Variants in NAA16 observed in about 807,000 individuals in gnomAD.
The protein encoded by NAA16 is NARG1-like protein.
A neutral mutation model predicts 110.3 loss-of-function variants in NAA16; 97 were observed. The observed-to-expected ratio is 0.88, with a 90% CI of 0.75 to 1.04. NAA16 has a LOEUF of 1.04. Ranked by LOEUF, NAA16 falls within the 50% of genes least tolerant of loss-of-function variation. The pLI, the probability that NAA16 is intolerant of heterozygous loss-of-function variation, is 0.00. For missense variants in NAA16, 1,017 were observed against 1,005.1 expected, an observed-to-expected ratio of 1.01 and a Z score of -0.16; for synonymous variants, 372 against 330.6, an observed-to-expected ratio of 1.13 and a Z score of -1.36.
rs150837569 is a variant in NAA16 at position 41,343,169 on chromosome 13, A to G, written c.1014+6413A>G. On this transcript the variant is annotated intron_variant, in intron 9 of 19. Transcript: ENST00000379406. ...AGGCTGGAGAGCAATGAATGGCCCAATCGTAGCTCACTGTAGCCTTGACTT... is the reference window on the plus strand; with the variant it reads ...AGGCTGGAGAGCAATGAATGGCCCAGTCGTAGCTCACTGTAGCCTTGACTT... Among the ~76,000 whole-genome samples, 96 of 152,278 alleles carry G rather than the reference A, an allele frequency of 6.3e-4. 2 individuals are homozygous for G. The East Asian group carries it at 0.017, about 26-fold the overall frequency.
In NAA16 at chr13:41,376,342, C is replaced by T. The variant is rs372114376; in HGVS notation, c.*740C>T. 3.9e-5 allele frequency: 6 copies of T among 152,246 alleles called. No individual in the cohort carries two copies. Among genetic ancestry groups the T allele is most frequent in the Admixed American group, 2.0e-4 (3 of 15,286 alleles). The allele number at this position is 152,246 out of a possible 1,614,324, so 9.4% of individuals were successfully genotyped here. ...TTGAAGTTTATTTGAAAATTTAATT[C>T]GTCCTTTTTTCATTGTAATATTTCA... On this transcript the variant is annotated 3_prime_UTR_variant, in exon 20 of 20. Coordinates refer to ENST00000379406, the MANE Select transcript of NAA16 (RefSeq NM_024561.5).
intron 2 of NAA16, 56 bp downstream of exon 2, chr13:41,316,986 T>A: frequency 8.3e-7 from 1 of 1,199,750 alleles, no homozygotes; most frequent in Non-Finnish European, 1.2e-6. Context: ...AACCAGGCAT[T>A]AACAGTGAAA....
chr13:41,359,916 G>C (rs1423544933), intron 12 of NAA16, among the ~76,000 whole-genome samples: 1 of 152,156 alleles, frequency 6.6e-6, no homozygotes, highest in African/African-American at 2.4e-5. Flanking sequence ...CTTTATGCTT[G>C]AGGTAGGAAG....
At chr13:41,371,420 G>A (rs2043314478) in intron 15 of NAA16, among the ~76,000 whole-genome samples, 1 of 152,094 alleles carries the variant, frequency 6.6e-6, no homozygotes, top group Non-Finnish European at 1.5e-5. Context: ...AAAGTTAGAT[G>A]GAATGTGCCT....
intron 9 of NAA16, among the ~76,000 whole-genome samples, chr13:41,350,778 A>G (rs1413600161): frequency 6.6e-6 from 1 of 151,098 alleles, no homozygotes; most frequent in Non-Finnish European, 1.5e-5. Context: ...GGGCCACTAC[A>G]CCCAGCTAAC....
intron 12 of NAA16, among the ~76,000 whole-genome samples, chr13:41,360,570 A>G (rs1210732628): frequency 6.6e-6 from 1 of 152,208 alleles, no homozygotes; most frequent in Non-Finnish European, 1.5e-5. Flanking sequence ...CTTGCTCATC[A>G]TAACTGCCTC....
intron 5 of NAA16, among the ~76,000 whole-genome samples, chr13:41,323,969 T>G (rs1197886262): frequency 6.6e-6 from 1 of 152,234 alleles, no homozygotes; most frequent in Non-Finnish European, 1.5e-5. Flanking sequence ...AGGCATTCTC[T>G]GTAGTAATTT....
intron 12 of NAA16, among the ~76,000 whole-genome samples, chr13:41,360,348 T>G (rs967877202): frequency 2.6e-5 from 4 of 152,170 alleles, no homozygotes; most frequent in Non-Finnish European, 4.4e-5. Flanking sequence ...ATGCAAATAT[T>G]CCAAAATTGA....
Position 41,312,369 on chromosome 13 carries a change from C to T in NAA16, c.54+787C>T, listed in dbSNP as rs1387959154. ...CTGAATAATGGCCCCGTAGTGATGA[C>T]CGCTGCGGAGCCGGGTGGGCAGTTT... On this transcript the variant is annotated intron_variant, in intron 1 of 19. Transcript: ENST00000379406. Among the ~76,000 whole-genome samples the T allele has an allele frequency of 2.6e-5, 4 of 152,138 alleles. No individual in the cohort carries two copies. In the East Asian group the frequency reaches 7.7e-4, roughly 29 times the overall value.
At chr13:41,369,654 A>G (rs1401412252) in intron 15 of NAA16, among the ~76,000 whole-genome samples, 1 of 152,184 alleles carries the variant, frequency 6.6e-6, no homozygotes, top group Non-Finnish European at 1.5e-5. Flanking sequence ...AATATCGTCA[A>G]AAGGGGCCTT....
At chr13:41,333,354 C>G (rs528997852) in intron 8 of NAA16, among the ~76,000 whole-genome samples, 3 of 152,036 alleles carry the variant, frequency 2.0e-5, no homozygotes, top group African/African-American at 7.2e-5. Flanking sequence ...TGTTGTGCAA[C>G]CATCATCTCT....
intron 5 of NAA16, 96 bp from the exon 6 acceptor site, chr13:41,325,602 T>G (rs2042071908): frequency 1.4e-6 from 1 of 692,698 alleles, no homozygotes; most frequent in Non-Finnish European, 2.2e-6. Flanking sequence ...CTTTCTTGTT[T>G]ATGTGAATGA....
At chr13:41,363,859 C>T (rs1053395214) in intron 13 of NAA16, among the ~76,000 whole-genome samples, 5 of 151,986 alleles carry the variant, frequency 3.3e-5, no homozygotes, top group African/African-American at 1.2e-4. Flanking sequence ...TACTCTTATA[C>T]CAGTTGTAAG....
intron 9 of NAA16, among the ~76,000 whole-genome samples, chr13:41,341,139 T>G (rs1345096729): frequency 6.6e-6 from 1 of 152,110 alleles, no homozygotes; most frequent in East Asian, 1.9e-4. Flanking sequence ...TTCTGTTGAT[T>G]TGGGGTGGGG....
In NAA16 at chr13:41,325,861, C is replaced by T. The variant is rs756404807; in HGVS notation, c.691+10C>T. ...GTGGAAGAAATTAAAGGTAAGTTGG[C>T]TTGCCTTTTTTTAATAGCCTCAAAC... On this transcript the variant is annotated intron_variant, in intron 6 of 19. Transcript: ENST00000379406. 2 of 1,586,256 alleles carry T rather than the reference C, an allele frequency of 1.3e-6. No homozygotes were observed. The highest frequency in any genetic ancestry group is 4.5e-5 in the East Asian group (2 of 44,198).
intron 8 of NAA16, 145 bp downstream of exon 8, chr13:41,331,514 AAG>A (rs1326654537): frequency 2.0e-6 from 1 of 505,948 alleles, no homozygotes. Context: ...TTTATATGTT[AAG>A]AGTGTGATAC....
Position 41,374,734 on chromosome 13 carries a change from T to C in NAA16, c.2300-8T>C. On this transcript the variant is annotated splice_region_variant and splice_polypyrimidine_tract_variant and intron_variant, in intron 18 of 19. Transcript: ENST00000379406. ...GTTTATTCATTTTGAAATGCCTTGG[T>C]ATTTCAGGTGCTAAAATGATGTATT... The C allele has an allele frequency of 6.3e-7, 1 of 1,575,340 alleles. No homozygotes were observed. Among genetic ancestry groups the C allele is most frequent in the Non-Finnish European group, 8.7e-7 (1 of 1,147,450 alleles).
At chr13:41,324,359 CTTTCTTTTT>C (rs2042029310) in intron 5 of NAA16, among the ~76,000 whole-genome samples, 1 of 71,942 alleles carries the variant, frequency 1.4e-5, no homozygotes, top group Non-Finnish European at 2.7e-5. Context: ...CAATTTCTTT[CTTTCTTTTT>C]TTTTTTTTTT....
Position 41,325,759 on chromosome 13 carries a change from T to C in NAA16, c.599T>C (p.Met200Thr). ...TTGATATTATACCAGAATCAAGTGATGAGAGAGGCAGATCTGTTGCAGGAA... is the reference window on the plus strand; with the variant it reads ...TTGATATTATACCAGAATCAAGTGACGAGAGAGGCAGATCTGTTGCAGGAA... ...SELILYQNQV[M>T]READLLQESL... is the part of the protein sequence containing the mutation. The change falls in exon 6 of 20, where the codon ATG (methionine) becomes ACG (threonine). Residue 200 changes from methionine (M) to threonine (T), a missense_variant. Physicochemically the swap from Met to Thr is moderately conservative, Grantham distance 81. Transcript: ENST00000379406. The C allele has an allele frequency of 6.2e-7, 1 of 1,604,718 alleles. No homozygotes were observed. Among genetic ancestry groups the C allele is most frequent in the African/African-American group, 1.3e-5 (1 of 74,800 alleles).
Sources: gnomAD v4.1 joint callset for allele counts (sites outside exome capture counted in the v4.1 genomes callset) on GRCh38, gnomAD v4.1.1 for gene constraint, MANE v1.5 for transcripts, NCBI Gene and HGNC (gene_info 2026-07-23, HGNC 2026-07-21) for gene names.